SPECC1L: variants seen among roughly 807,000 people sequenced by gnomAD.
SPECC1L encodes the protein cytospin-A.
SPECC1L carries 40 observed loss-of-function variants against 116.8 expected under a neutral mutation model. The observed-to-expected ratio is 0.34, with a 90% CI of 0.27 to 0.45. SPECC1L has a LOEUF of 0.45. Among genes scored for constraint, SPECC1L ranks in the 20% least tolerant of loss-of-function variants. The pLI is 1.00. For missense variants in SPECC1L, 1,110 were observed against 1,373.6 expected (o/e 0.81, Z 3.03); for synonymous variants, 504 against 500.6 (o/e 1.01, Z -0.09).
At chr22:24,337,821 A>G (rs962137831) in intron 9 of SPECC1L, among the ~76,000 whole-genome samples, 1 of 152,210 alleles carries the variant, frequency 6.6e-6, no homozygotes, top group African/African-American at 2.4e-5. Context: ...TTCTAAAAAC[A>G]TAAACTACTT....
At chr22:24,355,022 T>G (rs960538160) in intron 11 of SPECC1L, among the ~76,000 whole-genome samples, 1 of 150,432 alleles carries the variant, frequency 6.6e-6, no homozygotes, top group Admixed American at 6.6e-5. Context: ...GGCTCATGCC[T>G]GTAATCCCAG....
chr22:24,319,290 A>T (rs968537330), intron 4 of SPECC1L, among the ~76,000 whole-genome samples: 1 of 152,046 alleles, frequency 6.6e-6, no homozygotes, highest in Non-Finnish European at 1.5e-5. Context: ...TAGCAGGCAC[A>T]TTCTTCTCCA....
chr22:24,412,508 G>C lies in SPECC1L; in HGVS notation c.3205-140G>C. The C allele has an allele frequency of 5.1e-6, 4 of 786,794 alleles. No homozygotes were observed. In the East Asian group the frequency reaches 7.9e-5, roughly 16 times the overall value. The allele number at this position is 786,794 out of a possible 1,614,324, so 48.7% of individuals were successfully genotyped here. The stretch of plus-strand genomic sequence containing the variant: ...ACTTGGTGCAGATGCAGAAGCTCAG[G>C]CTCCCAGCATAGGTTTGTTGTGGCA... On this transcript the variant is annotated intron_variant, in intron 15 of 16. Coordinates refer to ENST00000314328, the MANE Select transcript of SPECC1L (RefSeq NM_015330.6).
chr22:24,318,366 C>T (rs965896973), intron 4 of SPECC1L, among the ~76,000 whole-genome samples: 14 of 152,222 alleles, frequency 9.2e-5, no homozygotes, highest in East Asian at 1.9e-4. Context: ...CCAAAAAATA[C>T]GAAAACCAGT....
At chr22:24,369,863 TC>T (rs981616534) in intron 14 of SPECC1L, among the ~76,000 whole-genome samples, 1 of 152,248 alleles carries the variant, frequency 6.6e-6, no homozygotes, top group Non-Finnish European at 1.5e-5. Context: ...GAGAGCAGAC[TC>T]TAATTCTCCA....
At chr22:24,378,334 A>G (rs1420359427) in intron 14 of SPECC1L, among the ~76,000 whole-genome samples, 2 of 152,246 alleles carry the variant, frequency 1.3e-5, no homozygotes, top group Non-Finnish European at 2.9e-5. Context: ...GCTTAAGGGA[A>G]TGTTGTAGCT....
intron 14 of SPECC1L, among the ~76,000 whole-genome samples, chr22:24,385,383 A>C (rs2042142382): frequency 6.6e-6 from 1 of 152,214 alleles, no homozygotes; most frequent in Admixed American, 6.5e-5. Flanking sequence ...ATTATAGGTA[A>C]ATAGGCTGAA....
Position 24,324,274 on chromosome 22 carries a change from T to C in SPECC1L, c.1993T>C (p.Leu665=). The change falls in exon 6 of 17, where the codon TTG becomes CTG. Residue 665 remains leucine, a synonymous_variant. Coordinates refer to ENST00000314328, the MANE Select transcript of SPECC1L (RefSeq NM_015330.6). Reference sequence around the variant, plus strand: ...AGAAGCTAAGAAACAAATTGAAGATTTGAATATGACGTTAGAAAAATTAAG... The same window carrying C: ...AGAAGCTAAGAAACAAATTGAAGATCTGAATATGACGTTAGAAAAATTAAG... ...QEEAKKQIED[L]NMTLEKLRSD... 1 of 1,614,072 alleles carries C rather than the reference T, an allele frequency of 6.2e-7. No individual in the cohort carries two copies. The highest frequency in any genetic ancestry group is 8.5e-7 in the Non-Finnish European group (1 of 1,180,006).
intron 14 of SPECC1L, among the ~76,000 whole-genome samples, chr22:24,375,088 G>A (rs1332914323): frequency 6.6e-6 from 1 of 152,070 alleles, no homozygotes; most frequent in Non-Finnish European, 1.5e-5. Flanking sequence ...TAGATGATAT[G>A]GACAAATTCC....
At chr22:24,361,154 T>TTGGGAGGCCAAGA (rs2041634961) in intron 11 of SPECC1L, among the ~76,000 whole-genome samples, 1 of 152,190 alleles carries the variant, frequency 6.6e-6, no homozygotes, top group African/African-American at 2.4e-5. Flanking sequence ...TCCCAGCACT[T>TTGGGAGGCCAAGA]TGGGAGGCCA....
At chr22:24,277,623 C>A (rs2048861929) in intron 2 of SPECC1L, among the ~76,000 whole-genome samples, 1 of 152,228 alleles carries the variant, frequency 6.6e-6, no homozygotes, top group Non-Finnish European at 1.5e-5. Flanking sequence ...TAAATGGCAT[C>A]ATACAACATG....
rs1163971747 is a variant in SPECC1L at position 24,416,314 on chromosome 22, C to T, written c.*1691C>T. On this transcript the variant is annotated 3_prime_UTR_variant, in exon 17 of 17. Transcript: ENST00000314328. ...GGCTGGATGCCCTTTGGTGAAATGC[C>T]TGTTTTCAGCTAAGAAAGGAGAGGC... is the stretch of plus-strand genomic sequence containing the variant. 1.3e-5 allele frequency: 2 copies of T among 152,116 alleles called. No individual in the cohort carries two copies. Among genetic ancestry groups the T allele is most frequent in the Admixed American group, 6.5e-5 (1 of 15,276 alleles). The allele number at this position is 152,116 out of a possible 1,614,324, so 9.4% of individuals were successfully genotyped here. A position where few individuals can be genotyped will look rare whatever the true frequency, so the allele number is the denominator to read the frequency against.
chr22:24,323,898 T>C (rs946341985), intron 5 of SPECC1L, among the ~76,000 whole-genome samples: 10 of 152,214 alleles, frequency 6.6e-5, no homozygotes, highest in African/African-American at 2.4e-4. Flanking sequence ...AACATGTTAA[T>C]CATTAAACAA....
chr22:24,283,268 T>C (rs552700399), intron 2 of SPECC1L, among the ~76,000 whole-genome samples: 23 of 151,310 alleles, frequency 1.5e-4, no homozygotes, highest in Admixed American at 5.3e-4. Context: ...TTAGTAGATA[T>C]GGGGTTTCAC....
chr22:24,367,549 T>C (rs533288378), intron 13 of SPECC1L, among the ~76,000 whole-genome samples: 1 of 152,328 alleles, frequency 6.6e-6, no homozygotes, highest in African/African-American at 2.4e-5. Flanking sequence ...TGGACGTCCC[T>C]GCTTTATTTA....
At chr22:24,323,644 G>A (rs909497452) in intron 5 of SPECC1L, among the ~76,000 whole-genome samples, 2 of 152,148 alleles carry the variant, frequency 1.3e-5, no homozygotes, top group African/African-American at 2.4e-5. Context: ...TTATTTTAGT[G>A]CAATGATTTT....
At chr22:24,355,046 C>T (rs1056674395) in intron 11 of SPECC1L, among the ~76,000 whole-genome samples, 2 of 150,950 alleles carry the variant, frequency 1.3e-5, no homozygotes, top group Admixed American at 6.6e-5. Flanking sequence ...TTTGGGAGGC[C>T]GAGGTGGGCG....
At chr22:24,283,418 G>A (rs1458368994) in intron 2 of SPECC1L, among the ~76,000 whole-genome samples, 1 of 152,220 alleles carries the variant, frequency 6.6e-6, no homozygotes, top group African/African-American at 2.4e-5. Flanking sequence ...CCTTGCATTT[G>A]TGGGATAAAC....
chr22:24,350,613 C>T (rs2041402284), intron 11 of SPECC1L, among the ~76,000 whole-genome samples: 1 of 152,150 alleles, frequency 6.6e-6, no homozygotes, highest in African/African-American at 2.4e-5. Context: ...TGCTTAGCTG[C>T]CAGCAAATAA....
Sources: allele counts gnomAD v4.1 joint callset (sites outside exome capture counted in the v4.1 genomes callset), GRCh38; gene constraint gnomAD v4.1.1; transcripts MANE v1.5; gene names NCBI Gene and HGNC (gene_info 2026-07-23, HGNC 2026-07-21).